UGT2A2: variants seen among roughly 807,000 people sequenced by gnomAD.
The protein encoded by UGT2A2 is UDP glucuronosyltransferase family 2 member A2.
In UGT2A2, 60 loss-of-function variants were observed where a neutral mutation model predicts 50.7. That is an observed-to-expected ratio of 1.18 (90% confidence interval 0.96 to 1.47). The LOEUF is 1.47. Ranked by LOEUF, UGT2A2 falls within the 40% of genes most tolerant of loss-of-function variation. The pLI, the probability that UGT2A2 is intolerant of heterozygous loss-of-function variation, is 0.00. For synonymous variants in UGT2A2, 242 were observed against 214.6 expected (o/e 1.13, Z -1.11); for missense variants, 762 against 634.0 (o/e 1.20, Z -2.17).
chr4:69,605,499 A>C, intron 1 of UGT2A2, among the ~76,000 whole-genome samples: 1 of 136,698 alleles, frequency 7.3e-6, no homozygotes, highest in Admixed American at 7.2e-5. Flanking sequence ...CCCCAACATC[A>C]CAATTGAAAG....
At chr4:69,620,000 CAT>C (rs1278270956) in intron 1 of UGT2A2, among the ~76,000 whole-genome samples, 1 of 151,942 alleles carries the variant, frequency 6.6e-6, no homozygotes, top group Non-Finnish European at 1.5e-5. Context: ...TAATAAGAGA[CAT>C]ATATGACAAA....
At chr4:69,601,914 A>G (rs2109896113) in intron 1 of UGT2A2, among the ~76,000 whole-genome samples, 1 of 137,132 alleles carries the variant, frequency 7.3e-6, no homozygotes, top group East Asian at 2.1e-4. Context: ...GGAGGGCTGT[A>G]CCACAACCAT....
intron 1 of UGT2A2, among the ~76,000 whole-genome samples, chr4:69,617,476 C>T (rs1025100681): frequency 9.9e-5 from 15 of 151,754 alleles, no homozygotes; most frequent in Admixed American, 6.6e-4. Flanking sequence ...TACGTATATA[C>T]GTAGACGTAC....
intron 1 of UGT2A2, among the ~76,000 whole-genome samples, chr4:69,617,497 T>G (rs1355238031): frequency 2.0e-5 from 3 of 151,944 alleles, no homozygotes; most frequent in Non-Finnish European, 2.9e-5. Context: ...AAAACCAAGA[T>G]GAACACACAC....
chr4:69,592,427 T>C (rs1258346446), intron 5 of UGT2A2, among the ~76,000 whole-genome samples: 1 of 152,016 alleles, frequency 6.6e-6, no homozygotes, highest in Non-Finnish European at 1.5e-5. Context: ...GTATTGCATA[T>C]AGTCCAAAGA....
At chr4:69,632,194 T>C (rs73824183) in intron 1 of UGT2A2, among the ~76,000 whole-genome samples, 16,489 of 152,202 alleles carry the variant, frequency 0.11, 914 homozygotes, top group South Asian at 0.21. Context: ...TCAAGGTGTT[T>C]TGATATAAAT....
chr4:69,594,800 G>A, intron 4 of UGT2A2, 104 bp from the exon 5 acceptor site: 1 of 1,353,134 alleles, frequency 7.4e-7, no homozygotes. Flanking sequence ...CTCTAAAGAA[G>A]GATACGTTTT....
chr4:69,621,100 T>A (rs1720729764), intron 1 of UGT2A2, among the ~76,000 whole-genome samples: 2 of 151,924 alleles, frequency 1.3e-5, no homozygotes, highest in Non-Finnish European at 2.9e-5. Context: ...GGAAATATTT[T>A]ATGACAAAGA....
chr4:69,618,129 C>A (rs1011003745), intron 1 of UGT2A2, among the ~76,000 whole-genome samples: 1 of 150,432 alleles, frequency 6.6e-6, no homozygotes, highest in Admixed American at 6.6e-5. Flanking sequence ...TATCCGTGTA[C>A]GTAATCATCA....
chr4:69,598,609 C>A (rs891061703), intron 2 of UGT2A2, among the ~76,000 whole-genome samples: 1 of 152,116 alleles, frequency 6.6e-6, no homozygotes, highest in South Asian at 2.1e-4. Context: ...TGAATTTACA[C>A]TTTGTACTAC....
intron 5 of UGT2A2, 147 bp downstream of exon 5, chr4:69,594,330 A>AAATAAAGT: frequency 9.0e-7 from 1 of 1,109,620 alleles, no homozygotes; most frequent in Non-Finnish European, 1.2e-6. Flanking sequence ...TCACTTTAGC[A>AAATAAAGT]GTTTGGCAAA....
intron 1 of UGT2A2, among the ~76,000 whole-genome samples, chr4:69,618,342 C>G (rs1052607081): frequency 1.5e-5 from 2 of 137,512 alleles, no homozygotes; most frequent in Non-Finnish European, 3.3e-5. Flanking sequence ...CCAGTAACCC[C>G]AGGAACTCAT....
rs374331982 is a variant in UGT2A2, at chr4:69,589,446, A to C, written c.1537T>G (p.Phe513Val). The stretch of plus-strand genomic sequence containing the variant: ...AACAAACAACATTGTATGACCAAAA[A>C]TATAGCCGTTGTCACACAGACCAGC... ...FLLVCVTTAI[F>V]LVIQCCLFSC... Residue 513 changes from phenylalanine to valine, a missense_variant, in exon 6 of 6, where the codon TTT (phenylalanine) becomes GTT (valine). Phe to Val is a conservative substitution (Grantham distance 50, BLOSUM62 -1). Coordinates refer to ENST00000604629, the MANE Select transcript of UGT2A2 (RefSeq NM_001105677.2). 214 of 1,614,004 alleles carry C rather than the reference A, an allele frequency of 1.3e-4. No individual in the cohort carries two copies. The highest frequency in any genetic ancestry group is 1.7e-4 in the Non-Finnish European group (201 of 1,180,020).
chr4:69,596,661 A>G (rs1407590508), intron 2 of UGT2A2, among the ~76,000 whole-genome samples: 1 of 151,854 alleles, frequency 6.6e-6, no homozygotes, highest in Non-Finnish European at 1.5e-5. Context: ...AACTGGGATT[A>G]TAGTCTCATG....
At chr4:69,603,808 A>G (rs1441979480) in intron 1 of UGT2A2, among the ~76,000 whole-genome samples, 2 of 137,148 alleles carry the variant, frequency 1.5e-5, no homozygotes, top group Non-Finnish European at 3.1e-5. Context: ...ACTGGAAGAA[A>G]GGGTATCAGT....
chr4:69,607,601 G>T (rs1719725597), intron 1 of UGT2A2, among the ~76,000 whole-genome samples: 1 of 152,114 alleles, frequency 6.6e-6, no homozygotes, highest in Non-Finnish European at 1.5e-5. Flanking sequence ...CTTCTGCACA[G>T]GAAAAGAAAC....
intron 1 of UGT2A2, among the ~76,000 whole-genome samples, chr4:69,617,164 A>C (rs1720452706): frequency 6.6e-6 from 1 of 151,830 alleles, no homozygotes; most frequent in Admixed American, 6.6e-5. Flanking sequence ...CACTTTCAAA[A>C]CTATAAAACA....
At chr4:69,636,379 T>C (rs1387264004) in intron 1 of UGT2A2, among the ~76,000 whole-genome samples, 1 of 152,210 alleles carries the variant, frequency 6.6e-6, no homozygotes, top group African/African-American at 2.4e-5. Flanking sequence ...AATGGGGTTT[T>C]ACCAGTTCTT....
intron 5 of UGT2A2, among the ~76,000 whole-genome samples, chr4:69,591,230 T>A (rs1393340137): frequency 2.0e-5 from 3 of 152,258 alleles, no homozygotes; most frequent in African/African-American, 4.8e-5. Flanking sequence ...AAGTCCTGAG[T>A]ATATGTGCCC....
Sources: allele counts gnomAD v4.1 joint callset (sites outside exome capture counted in the v4.1 genomes callset), GRCh38; gene constraint gnomAD v4.1.1; transcripts MANE v1.5; gene names NCBI Gene and HGNC (gene_info 2026-07-23, HGNC 2026-07-21).